Variants in PEMT observed in about 807,000 individuals in gnomAD.
PEMT encodes the protein phosphatidylethanolamine N-methyltransferase.
PEMT carries 23 observed loss-of-function variants against 27.4 expected under a neutral mutation model. The observed-to-expected ratio is 0.84, with a 90% CI of 0.60 to 1.19. PEMT has a LOEUF of 1.19. PEMT is among the 50% of genes most tolerant of loss of function. The pLI is 0.00. For synonymous variants in PEMT, 137 were observed against 139.1 expected, an observed-to-expected ratio of 0.98 and a Z score of 0.11; for missense variants, 307 against 310.1, an observed-to-expected ratio of 0.99 and a Z score of 0.07.
chr17:17,573,005 A>G (rs1046539412), intron 2 of PEMT, among the ~76,000 whole-genome samples: 4 of 151,364 alleles, frequency 2.6e-5, no homozygotes, highest in Non-Finnish European at 5.9e-5. Context: ...CCTTGCCAAC[A>G]TGGTGAAACC....
At chr17:17,540,413 G>A (rs1484944908) in intron 2 of PEMT, among the ~76,000 whole-genome samples, 1 of 152,180 alleles carries the variant, frequency 6.6e-6, no homozygotes, top group Non-Finnish European at 1.5e-5. Context: ...AGGGAGGGTG[G>A]CCAGCCAGCA....
At chr17:17,506,566 GCTCA>G (rs769410850) in intron 5 of PEMT, among the ~76,000 whole-genome samples, 7 of 152,220 alleles carry the variant, frequency 4.6e-5, no homozygotes, top group Non-Finnish European at 1.0e-4. Context: ...GGTGGGGCCT[GCTCA>G]CTCTTTCCGG....
chr17:17,579,591 T>C (rs1403736066), intron 1 of PEMT, among the ~76,000 whole-genome samples: 1 of 152,116 alleles, frequency 6.6e-6, no homozygotes, highest in Non-Finnish European at 1.5e-5. Flanking sequence ...GGCAGGAGAA[T>C]TACTTGAACC....
At chr17:17,554,437 C>T (rs895144409) in intron 2 of PEMT, among the ~76,000 whole-genome samples, 3 of 152,096 alleles carry the variant, frequency 2.0e-5, no homozygotes, top group Admixed American at 1.3e-4. Flanking sequence ...GGAACGTGTT[C>T]GGAAGGCAGA....
At chr17:17,564,066 A>G (rs72828488) in intron 2 of PEMT, among the ~76,000 whole-genome samples, 5,376 of 152,296 alleles carry the variant, frequency 0.035, 120 homozygotes, top group Non-Finnish European at 0.057. Context: ...CCTCTTGGCT[A>G]AGGTGGTTTT....
At chr17:17,522,558 T>C (rs1413930209) in intron 2 of PEMT, among the ~76,000 whole-genome samples, 163 bp from the exon 3 acceptor site, 1 of 152,204 alleles carries the variant, frequency 6.6e-6, no homozygotes, top group Non-Finnish European at 1.5e-5. Context: ...AGCTGCACAT[T>C]ATCTGCCCTA....
At chr17:17,531,241 G>A (rs375425243) in intron 2 of PEMT, among the ~76,000 whole-genome samples, 118 of 152,228 alleles carry the variant, frequency 7.8e-4, no homozygotes, top group African/African-American at 2.4e-3. Flanking sequence ...AGGTGGAAAC[G>A]CCAGAAGAAC....
chr17:17,586,174 GAAAGAA>G lies in PEMT; in HGVS notation c.96+5351_96+5356del, dbSNP rs533775069. ...AAAGAAAAAGAAAGAGAAAAAGAAA[GAAAGAA>G]AAAGAAAAAGAAGGAAGGAAAGAAA... On this transcript the variant is annotated intron_variant, in intron 1 of 6. Coordinates refer to ENST00000255389, the MANE Select transcript of PEMT (RefSeq NM_148172.3). Among the ~76,000 whole-genome samples, 46 of 115,398 alleles carry G rather than the reference GAAAGAA, an allele frequency of 4.0e-4. No individual in the cohort carries two copies. In the South Asian group the frequency reaches 0.013, roughly 32 times the overall value. The allele number at this position is 115,398 out of a possible 152,430, so 75.7% of individuals were successfully genotyped here.
chr17:17,507,075 G>A (rs537395249), intron 5 of PEMT: 27 of 1,215,290 alleles, frequency 2.2e-5, no homozygotes, highest in South Asian at 1.8e-4. Flanking sequence ...GCGGCAGCTC[G>A]TCAGTGACGG....
Position 17,505,724 on chromosome 17 carries a change from G to A in PEMT, c.*67C>T, listed in dbSNP as rs377124101. On this transcript the variant is annotated 3_prime_UTR_variant, in exon 7 of 7. Transcript: ENST00000255389. ...GCAGCAGGCACCATTCTCGCCCTGC[G>A]CAGGGCCTGCCACTTGGGGCAGGCC... 353 of 1,506,874 alleles carry A rather than the reference G, an allele frequency of 2.3e-4. 1 individual carries two copies. The African/African-American group carries it at 3.9e-3, about 17-fold the overall frequency. 93.3% of individuals were successfully genotyped at this position (1,506,874 alleles called of 1,614,324 possible).
intron 2 of PEMT, among the ~76,000 whole-genome samples, chr17:17,527,847 C>A (rs746863941): frequency 1.3e-5 from 2 of 152,246 alleles, no homozygotes; most frequent in African/African-American, 2.4e-5. Context: ...GGCCTCTCCC[C>A]TCTGCGGCCA....
intron 2 of PEMT, among the ~76,000 whole-genome samples, chr17:17,566,744 A>G (rs1910851341): frequency 6.6e-6 from 1 of 152,196 alleles, no homozygotes; most frequent in African/African-American, 2.4e-5. Flanking sequence ...GCTCTGGGAG[A>G]TAAGTTTCAG....
intron 2 of PEMT, among the ~76,000 whole-genome samples, chr17:17,556,378 CTTT>C (rs11301881): frequency 4.8e-5 from 7 of 145,758 alleles, no homozygotes; most frequent in Admixed American, 2.0e-4. Flanking sequence ...CTCTCTCTCA[CTTT>C]TTTTTTTTTT....
At chr17:17,510,407 C>T (rs1906278048) in intron 4 of PEMT, among the ~76,000 whole-genome samples, 1 of 152,202 alleles carries the variant, frequency 6.6e-6, no homozygotes, top group Admixed American at 6.5e-5. Flanking sequence ...TCATTTGTCT[C>T]TCCTCCCAGA....
At chr17:17,581,662 C>T (rs1911983854) in intron 1 of PEMT, among the ~76,000 whole-genome samples, 1 of 152,208 alleles carries the variant, frequency 6.6e-6, no homozygotes, top group South Asian at 2.1e-4. Context: ...CCAATTAGGG[C>T]TGAACTGGTC....
intron 2 of PEMT, among the ~76,000 whole-genome samples, chr17:17,559,728 G>A (rs948453735): frequency 2.6e-5 from 4 of 152,230 alleles, no homozygotes; most frequent in Non-Finnish European, 5.9e-5. Context: ...AGGGGAGCCC[G>A]AGAACAGGAT....
At chr17:17,532,412 AC>A (rs1309763430) in intron 2 of PEMT, among the ~76,000 whole-genome samples, 13 of 152,262 alleles carry the variant, frequency 8.5e-5, no homozygotes, top group Admixed American at 2.6e-4. Context: ...AATCAAAAAA[AC>A]AATTCCATTT....
Position 17,512,457 on chromosome 17 carries a change from C to T in PEMT, c.466+52G>A. On this transcript the variant is annotated intron_variant, in intron 4 of 6. Coordinates refer to ENST00000255389, the MANE Select transcript of PEMT (RefSeq NM_148172.3). This position sits in a 1 kb window ranked among gnomAD's most constrained non-coding sequence, Gnocchi z 6.3. ...CAGCAGCCACCTGGCCCTGCACCTC[C>T]CTGGGGCTCCAGCGGTCCTGCTCAG... is the stretch of plus-strand genomic sequence containing the variant. The T allele has an allele frequency of 6.9e-7, 1 of 1,452,452 alleles. No homozygotes were observed. The highest frequency in any genetic ancestry group is 2.3e-5 in the Admixed American group (1 of 43,256). The allele number at this position is 1,452,452 out of a possible 1,614,324, so 90.0% of individuals were successfully genotyped here.
At chr17:17,591,861 C>T (rs1912607516), upstream of PEMT, 2 of 985,374 alleles carry the variant, frequency 2.0e-6, no homozygotes, top group South Asian at 4.7e-5. Flanking sequence ...TGTTTCGCCG[C>T]AGAGCCTGCC....
Sources: allele counts gnomAD v4.1 joint callset (sites outside exome capture counted in the v4.1 genomes callset), GRCh38; gene constraint gnomAD v4.1.1; non-coding constraint Gnocchi (gnomAD v3.1); transcripts MANE v1.5; gene names NCBI Gene and HGNC (gene_info 2026-07-23, HGNC 2026-07-21).